DOK6: variants seen among roughly 807,000 people sequenced by gnomAD.
DOK6 encodes the protein downstream of tyrosine kinase 6.
DOK6 carries 22 observed loss-of-function variants against 44.0 expected under a neutral mutation model. The ratio of observed to expected loss-of-function variants is 0.50; its 90% CI spans 0.36 to 0.71. The LOEUF (loss-of-function observed/expected upper bound fraction) is 0.71. DOK6 is among the 30% of genes least tolerant of loss of function. The pLI is 0.00. For missense variants in DOK6, 340 were observed against 416.4 expected (o/e 0.82, Z 1.60); for synonymous variants, 166 against 145.5 (o/e 1.14, Z -1.01).
chr18:69,469,894 T>G, intron 1 of DOK6: 2 of 230,502 alleles, frequency 8.7e-6, no homozygotes, highest in South Asian at 8.7e-5. Context: ...TGACGGCATC[T>G]GCTTCTGGGT....
chr18:69,450,053 G>A (rs985466911), intron 1 of DOK6, among the ~76,000 whole-genome samples: 1 of 131,390 alleles, frequency 7.6e-6, no homozygotes, highest in Non-Finnish European at 1.6e-5. Context: ...GAACAAAGCT[G>A]GATGGAGAAT....
In DOK6 at chr18:69,623,643, C is replaced by A. The variant is rs557331627; in HGVS notation, c.289+24145C>A. Among the ~76,000 whole-genome samples, 5 of 152,272 alleles carry A rather than the reference C, an allele frequency of 3.3e-5. No individual in the cohort carries two copies. The East Asian group carries it at 9.7e-4, about 29-fold the overall frequency. On this transcript the variant is annotated intron_variant, in intron 3 of 7. Transcript: ENST00000382713. ...TAGCTCTAAGACGCTGGGCAAACTTCTAAATTCCTCTAATGATTATTACTA... is the reference window on the plus strand; with the variant it reads ...TAGCTCTAAGACGCTGGGCAAACTTATAAATTCCTCTAATGATTATTACTA...
chr18:69,841,290 C>T lies in DOK6; in HGVS notation c.903C>T (p.Pro301=). ...AGATGTCTCGTGCACAGACATTTCC[C>T]AGCTACGCCCCAGAACAGAGTGAAG... ...SSKMSRAQTF[P]SYAPEQSEEA... The change falls in exon 8 of 8, where the codon CCC becomes CCT. Residue 301 remains proline (P), a synonymous_variant. Coordinates refer to ENST00000382713, the MANE Select transcript of DOK6 (RefSeq NM_152721.6). 1.2e-6 allele frequency: 2 copies of T among 1,614,186 alleles called. No homozygotes were observed. The highest frequency in any genetic ancestry group is 1.7e-6 in the Non-Finnish European group (2 of 1,180,044).
At position 69,642,697 on chromosome 18, in the gene DOK6, T is replaced by C. The variant is rs552474251; in HGVS notation, c.290-35037T>C. On this transcript the variant is annotated intron_variant, in intron 3 of 7. Transcript: ENST00000382713. ...AATTTGTTGTAATTTTTCCTCAAGT[T>C]AAACATCTTTCCAAGAATGTCTACA... Among the ~76,000 whole-genome samples the C allele has an allele frequency of 6.6e-5, 10 of 152,332 alleles. No individual in the cohort carries two copies. The South Asian group carries it at 1.9e-3, about 28-fold the overall frequency.
chr18:69,441,025 A>C (rs1979122671), intron 1 of DOK6, among the ~76,000 whole-genome samples: 1 of 152,152 alleles, frequency 6.6e-6, no homozygotes, highest in Admixed American at 6.6e-5. Flanking sequence ...ACAAAGGCAG[A>C]AAGATATTAA....
chr18:69,759,025 T>C (rs1364039488), intron 7 of DOK6, among the ~76,000 whole-genome samples: 1 of 152,252 alleles, frequency 6.6e-6, no homozygotes, highest in African/African-American at 2.4e-5. Context: ...TTTAGTCAAT[T>C]ACTGAAGGCA....
chr18:69,619,541 C>T (rs6566434), intron 3 of DOK6, among the ~76,000 whole-genome samples: 144,953 of 152,288 alleles, frequency 0.95, 69,403 homozygotes, highest in East Asian at 1. Flanking sequence ...AAATGTGGAT[C>T]TGCCAGAATG....
At chr18:69,624,453 T>G (rs572468830) in intron 3 of DOK6, among the ~76,000 whole-genome samples, 1 of 152,266 alleles carries the variant, frequency 6.6e-6, no homozygotes, top group Admixed American at 6.5e-5. Context: ...TCCATTGTAT[T>G]TTTCTGTAAT....
chr18:69,527,633 T>C (rs1479510681), intron 1 of DOK6, among the ~76,000 whole-genome samples: 1 of 152,156 alleles, frequency 6.6e-6, no homozygotes, highest in Non-Finnish European at 1.5e-5. Flanking sequence ...ATTAGATTAT[T>C]TGCTCCCATT....
chr18:69,674,203 G>A (rs1000332626), intron 3 of DOK6, among the ~76,000 whole-genome samples: 1 of 152,184 alleles, frequency 6.6e-6, no homozygotes, highest in Non-Finnish European at 1.5e-5. Flanking sequence ...TATTTGAAAG[G>A]TGGTGACTGT....
chr18:69,484,761 A>G (rs970705536), intron 1 of DOK6, among the ~76,000 whole-genome samples: 2 of 152,126 alleles, frequency 1.3e-5, no homozygotes, highest in African/African-American at 4.8e-5. Flanking sequence ...TTTTCTCCTT[A>G]AGGTGCACCA....
At chr18:69,611,949 T>TACACATACAC (rs71176990) in intron 3 of DOK6, among the ~76,000 whole-genome samples, 3,791 of 150,184 alleles carry the variant, frequency 0.025, 55 homozygotes, top group South Asian at 0.052. Context: ...ATATAAAACT[T>TACACATACAC]ACACACACAC....
intron 7 of DOK6, among the ~76,000 whole-genome samples, chr18:69,806,741 G>C (rs945240225): frequency 2.0e-5 from 3 of 151,866 alleles, no homozygotes; most frequent in Non-Finnish European, 4.4e-5. Flanking sequence ...ACACCACTGG[G>C]CAGGTTATAA....
chr18:69,436,730 G>T (rs1475076933), intron 1 of DOK6, among the ~76,000 whole-genome samples: 1 of 152,130 alleles, frequency 6.6e-6, no homozygotes, highest in Non-Finnish European at 1.5e-5. Context: ...TTGAGCAATT[G>T]CCACACTGTC....
intron 1 of DOK6, 85 bp downstream of exon 1, chr18:69,401,395 C>G (rs375895200): frequency 5.9e-6 from 8 of 1,365,762 alleles, no homozygotes; most frequent in South Asian, 1.6e-5. Flanking sequence ...AGAGGTGACC[C>G]GTGCGGGTAC....
At chr18:69,512,624 G>C (rs150910207) in intron 1 of DOK6, among the ~76,000 whole-genome samples, 1 of 152,046 alleles carries the variant, frequency 6.6e-6, no homozygotes, top group Non-Finnish European at 1.5e-5. Context: ...GATTACAAGC[G>C]TGAGCCACCG....
At chr18:69,792,650 C>T (rs1282164632) in intron 7 of DOK6, among the ~76,000 whole-genome samples, 1 of 151,970 alleles carries the variant, frequency 6.6e-6, no homozygotes, top group African/African-American at 2.4e-5. Context: ...TTAACTTATT[C>T]CTTTTGAATT....
intron 7 of DOK6, among the ~76,000 whole-genome samples, chr18:69,766,378 C>T (rs1057220609): frequency 3.3e-5 from 5 of 152,100 alleles, no homozygotes; most frequent in Non-Finnish European, 5.9e-5. Flanking sequence ...TGCACATGTA[C>T]CCACTGAATC....
chr18:69,671,597 T>C (rs1985800362), intron 3 of DOK6, among the ~76,000 whole-genome samples: 1 of 152,232 alleles, frequency 6.6e-6, no homozygotes, highest in Non-Finnish European at 1.5e-5. Flanking sequence ...ATAGATGATA[T>C]TTTATCATTA....
Sources: gnomAD v4.1 joint callset for allele counts (sites outside exome capture counted in the v4.1 genomes callset) on GRCh38, gnomAD v4.1.1 for gene constraint, MANE v1.5 for transcripts, NCBI Gene and HGNC (gene_info 2026-07-23, HGNC 2026-07-21) for gene names.